TRERF1: variants seen among roughly 807,000 people sequenced by gnomAD.
The protein encoded by TRERF1 is transcriptional regulating factor 1.
In TRERF1, 27 loss-of-function variants were observed where a neutral mutation model predicts 122.9. The ratio of observed to expected loss-of-function variants is 0.22; its 90% confidence interval spans 0.16 to 0.30. TRERF1 has a LOEUF of 0.30. Among genes scored for constraint, TRERF1 ranks in the 10% least tolerant of loss-of-function variants. The probability of loss-of-function intolerance (pLI) is 1.00; values close to 1 mark genes in which losing one functional copy is unlikely to be tolerated. For synonymous variants in TRERF1, 636 were observed against 641.7 expected (o/e 0.99, Z 0.13); for missense variants, 1,248 against 1,560.3 (o/e 0.80, Z 3.37).
intron 2 of TRERF1, among the ~76,000 whole-genome samples, chr6:42,397,717 C>T (rs545429365): frequency 2.0e-5 from 3 of 152,300 alleles, no homozygotes; most frequent in Admixed American, 1.3e-4. Flanking sequence ...AGCTTGTCTC[C>T]ATCAGAAGTG....
chr6:42,396,692 C>G (rs767296513), intron 2 of TRERF1, among the ~76,000 whole-genome samples: 13 of 152,180 alleles, frequency 8.5e-5, no homozygotes, highest in Non-Finnish European at 1.8e-4. Context: ...CTTGTCTGTA[C>G]AGGGTGTATT....
intron 3 of TRERF1, among the ~76,000 whole-genome samples, chr6:42,312,774 T>A (rs1402682555): frequency 6.6e-6 from 1 of 152,224 alleles, no homozygotes; most frequent in East Asian, 1.9e-4. Flanking sequence ...TGGGTCTTAG[T>A]GCCGGGTGTG....
intron 4 of TRERF1, among the ~76,000 whole-genome samples, chr6:42,290,741 CTTTTTTTTTTT>C (rs144168592): frequency 6.5e-5 from 6 of 92,408 alleles, no homozygotes; most frequent in East Asian, 6.2e-4. Flanking sequence ...CATTTCTTTC[CTTTTTTTTTTT>C]TTTTTTTTTT....
intron 15 of TRERF1, among the ~76,000 whole-genome samples, chr6:42,240,754 C>T (rs980355936): frequency 6.6e-6 from 1 of 152,180 alleles, no homozygotes; most frequent in African/African-American, 2.4e-5. Flanking sequence ...GACATATGTT[C>T]TGTGTGGTCG....
intron 13 of TRERF1, among the ~76,000 whole-genome samples, chr6:42,253,441 C>T (rs1218529470): frequency 6.6e-6 from 1 of 152,170 alleles, no homozygotes; most frequent in African/African-American, 2.4e-5. Flanking sequence ...GTTCAATGAG[C>T]AGCAGATGAT....
At chr6:42,356,075 G>A (rs1397420165) in intron 3 of TRERF1, among the ~76,000 whole-genome samples, 1 of 152,216 alleles carries the variant, frequency 6.6e-6, no homozygotes, top group East Asian at 1.9e-4. Context: ...CTCCAGCTCT[G>A]TGGTAAAGGT....
At chr6:42,421,747 C>T (rs1782791312) in intron 2 of TRERF1, among the ~76,000 whole-genome samples, 2 of 151,886 alleles carry the variant, frequency 1.3e-5, no homozygotes, top group South Asian at 2.1e-4. Context: ...ACACTCCAGC[C>T]TGGGCGACAG....
At chr6:42,257,910 C>G (rs1777067315) in intron 10 of TRERF1, among the ~76,000 whole-genome samples, 1 of 152,202 alleles carries the variant, frequency 6.6e-6, no homozygotes, top group African/African-American at 2.4e-5. Context: ...ACGCTAGGCT[C>G]TCTGAATACA....
At chr6:42,429,525 G>C (rs1467251883) in intron 2 of TRERF1, among the ~76,000 whole-genome samples, 1 of 152,136 alleles carries the variant, frequency 6.6e-6, no homozygotes, top group African/African-American at 2.4e-5. Flanking sequence ...TTTCATAACA[G>C]TCTTAAATGA....
intron 2 of TRERF1, among the ~76,000 whole-genome samples, chr6:42,403,730 T>C (rs1253311344): frequency 6.6e-6 from 1 of 152,128 alleles, no homozygotes; most frequent in Non-Finnish European, 1.5e-5. Flanking sequence ...ACCCTGCAGG[T>C]GTGGGGCAGA....
intron 16 of TRERF1, 132 bp from the exon 17 acceptor site, chr6:42,233,060 C>T (rs1387365627): frequency 1.3e-5 from 12 of 927,050 alleles, no homozygotes; most frequent in Admixed American, 3.0e-5. Context: ...AGATCAAATA[C>T]CACAACCACA....
chr6:42,436,595 G>T (rs1232119569), intron 2 of TRERF1, among the ~76,000 whole-genome samples: 1 of 151,452 alleles, frequency 6.6e-6, no homozygotes, highest in Non-Finnish European at 1.5e-5. Flanking sequence ...GTGAATGAAG[G>T]ATCCTGGATT....
rs1224797958 is a variant in TRERF1, at chr6:42,259,179, T to C, written c.2269+160A>G. ...CTGCGATTCCCTTGAGGATAAGGGCTATGTATTCCAAGTCTTTCTTAACAC... is the reference window on the plus strand; with the variant it reads ...CTGCGATTCCCTTGAGGATAAGGGCCATGTATTCCAAGTCTTTCTTAACAC... On this transcript the variant is annotated intron_variant, in intron 9 of 17. Coordinates refer to ENST00000372922, the Ensembl canonical transcript of TRERF1. This position sits in a 1 kb window ranked among gnomAD's most constrained non-coding sequence, Gnocchi z 4.9. 6.6e-6 allele frequency among the ~76,000 whole-genome samples: 1 copy of C among 152,214 alleles called. No individual in the cohort carries two copies. Among genetic ancestry groups the C allele is most frequent in the Non-Finnish European group, 1.5e-5 (1 of 68,034 alleles).
intron 3 of TRERF1, among the ~76,000 whole-genome samples, chr6:42,312,381 C>T (rs139787212): frequency 1.8e-3 from 273 of 152,294 alleles, no homozygotes; most frequent in Admixed American, 3.0e-3. Context: ...TTCTCAGAAG[C>T]GGGGAGCCCC....
intron 2 of TRERF1, among the ~76,000 whole-genome samples, chr6:42,414,210 G>A (rs1781517129): frequency 6.6e-6 from 1 of 152,202 alleles, no homozygotes; most frequent in Non-Finnish European, 1.5e-5. Context: ...TGGACTTAAA[G>A]CATCCTTGGA....
intron 4 of TRERF1, among the ~76,000 whole-genome samples, chr6:42,293,797 C>A (rs1341841585): frequency 7.3e-6 from 1 of 137,844 alleles, no homozygotes; most frequent in Non-Finnish European, 1.5e-5. Flanking sequence ...ATAAAGATAA[C>A]CCGGACCAAA....
At chr6:42,369,055 C>T (rs1262309842) in intron 2 of TRERF1, among the ~76,000 whole-genome samples, 2 of 152,138 alleles carry the variant, frequency 1.3e-5, no homozygotes, top group Non-Finnish European at 2.9e-5. Context: ...TGGAGTGGGG[C>T]TCTGACATCA....
At chr6:42,313,629 TGAA>T (rs1762031846) in intron 3 of TRERF1, among the ~76,000 whole-genome samples, 1 of 152,120 alleles carries the variant, frequency 6.6e-6, no homozygotes, top group Admixed American at 6.5e-5. Flanking sequence ...GGAATTCCCT[TGAA>T]GACCCAAGGG....
In TRERF1 at chr6:42,322,461, A is replaced by AC. The variant is rs1211643203; in HGVS notation, c.-370-21713dup. On this transcript the variant is annotated intron_variant, in intron 3 of 17. Transcript: ENST00000372922. Reference sequence around the variant, plus strand: ...TTATTATAAATTCCTCCGAATGCAAACCCCCTGCCCCAAATAAAGCAAAAT... The same window carrying AC: ...TTATTATAAATTCCTCCGAATGCAAACCCCCCTGCCCCAAATAAAGCAAAAT... Among the ~76,000 whole-genome samples the AC allele has an allele frequency of 3.3e-5, 5 of 152,212 alleles. No homozygotes were observed. The South Asian group carries it at 1.0e-3, about 32-fold the overall frequency.
Sources: allele counts gnomAD v4.1 joint callset (sites outside exome capture counted in the v4.1 genomes callset), GRCh38; gene constraint gnomAD v4.1.1; non-coding constraint Gnocchi (gnomAD v3.1); transcripts MANE v1.5; gene names NCBI Gene and HGNC (gene_info 2026-07-23, HGNC 2026-07-21).